Variants in DNAH11 observed in about 807,000 individuals in gnomAD.
The protein encoded by DNAH11 is axonemal beta dynein heavy chain 11.
DNAH11 carries 442 observed loss-of-function variants against 526.0 expected under a neutral mutation model. That is an observed-to-expected ratio of 0.84 (90% confidence interval 0.78 to 0.91). The LOEUF is 0.91. Ranked by LOEUF, DNAH11 falls within the 40% of genes least tolerant of loss-of-function variation. DNAH11 has a pLI of 0.00. For missense variants in DNAH11, 6,989 were observed against 5,448.7 expected (o/e 1.28, Z -8.90); for synonymous variants, 2,461 against 1,935.9 (o/e 1.27, Z -7.12).
chr7:21,864,330 T>A (rs907804745), intron 69 of DNAH11, among the ~76,000 whole-genome samples: 23 of 152,224 alleles, frequency 1.5e-4, no homozygotes, highest in African/African-American at 5.3e-4. Context: ...TTCATAATTA[T>A]TTCCTGTTAG....
chr7:21,812,863 T>A (rs1789592843), intron 63 of DNAH11, among the ~76,000 whole-genome samples: 1 of 152,114 alleles, frequency 6.6e-6, no homozygotes, highest in South Asian at 2.1e-4. Flanking sequence ...GTTGGCAGCT[T>A]TTTAAAGCTC....
At chr7:21,875,817 T>A (rs922698314) in intron 74 of DNAH11, among the ~76,000 whole-genome samples, 2 of 152,146 alleles carry the variant, frequency 1.3e-5, no homozygotes, top group Non-Finnish European at 2.9e-5. Context: ...AAAGCCACTT[T>A]TATTAATTGA....
At position 21,571,818 on chromosome 7, in the gene DNAH11, A is replaced by C; in HGVS notation, c.1438A>C (p.Thr480Pro). The C allele has an allele frequency of 1.2e-6, 2 of 1,611,966 alleles. No homozygotes were observed. ...RLIKIEDIFA[T>P]TLEFEKLERL... ...GTTTTTTACAAAGGATATATTTGCC[A>C]CCACTTTGGAATTTGAAAAGCTGGA... Residue 480 changes from threonine (T) to proline (P), a missense_variant, in exon 8 of 82, where the codon ACC (threonine) becomes CCC (proline). Thr to Pro is a conservative substitution (Grantham distance 38). Coordinates refer to ENST00000409508, the MANE Select transcript of DNAH11 (RefSeq NM_001277115.2).
intron 6 of DNAH11, among the ~76,000 whole-genome samples, chr7:21,566,317 T>C (rs1056074352): frequency 6.6e-6 from 1 of 152,156 alleles, no homozygotes; most frequent in African/African-American, 2.4e-5. Flanking sequence ...AAAGGTTTCA[T>C]TGACCCGATT....
intron 65 of DNAH11, among the ~76,000 whole-genome samples, chr7:21,835,349 C>G (rs965572639): frequency 6.6e-6 from 1 of 151,564 alleles, no homozygotes; most frequent in Non-Finnish European, 1.5e-5. Flanking sequence ...ATAAACATAG[C>G]TATAAAAATC....
rs56257528 is a variant in DNAH11, at chr7:21,638,691, GGTGTGTGTGT to G, written c.4818-215_4818-206del. ...ATTCATATTTAGCCACAGCTAATGG[GGTGTGTGTGT>G]GTGTGTGTGTGTGTGTGTGTGTGTG... is the stretch of plus-strand genomic sequence containing the variant. On this transcript the variant is annotated intron_variant, in intron 27 of 81. Coordinates refer to ENST00000409508, the MANE Select transcript of DNAH11 (RefSeq NM_001277115.2). Among the ~76,000 whole-genome samples the G allele has an allele frequency of 9.6e-4, 138 of 144,210 alleles. 1 individual carries two copies. The highest frequency in any genetic ancestry group is 6.3e-3 in the Admixed American group (91 of 14,482). 94.6% of individuals were successfully genotyped at this position (144,210 alleles called of 152,430 possible). A position where few individuals can be genotyped will look rare whatever the true frequency, so the allele number is the denominator to read the frequency against.
chr7:21,803,649 G>T (rs936432312), intron 62 of DNAH11, among the ~76,000 whole-genome samples: 9 of 151,332 alleles, frequency 5.9e-5, no homozygotes, highest in Admixed American at 2.6e-4. Flanking sequence ...TATCATCATT[G>T]AAGTCTGGAA....
At chr7:21,856,497 C>G (rs751226412) in intron 68 of DNAH11, among the ~76,000 whole-genome samples, 5 of 152,068 alleles carry the variant, frequency 3.3e-5, no homozygotes, top group Non-Finnish European at 5.9e-5. Flanking sequence ...CAGTATTGCC[C>G]AAATTCCAAA....
chr7:21,747,595 T>C (rs142473252), intron 51 of DNAH11, among the ~76,000 whole-genome samples: 2 of 152,244 alleles, frequency 1.3e-5, no homozygotes, highest in African/African-American at 4.8e-5. Flanking sequence ...CTGTAAAATA[T>C]AGCATAATAT....
intron 29 of DNAH11, among the ~76,000 whole-genome samples, chr7:21,657,015 A>G (rs984737345): frequency 7.2e-5 from 11 of 152,180 alleles, no homozygotes; most frequent in East Asian, 3.8e-4. Flanking sequence ...GGATAGTCCA[A>G]TTGATGGATG....
At position 21,835,455 on chromosome 7, in the gene DNAH11, C is replaced by T. The variant is rs560923142; in HGVS notation, c.10692-7089C>T. ...TTATTCCAGGAATGCAAGAGTGGTT[C>T]AACATACACAAATCAATAAATGTGA... On this transcript the variant is annotated intron_variant, in intron 65 of 81. Coordinates refer to ENST00000409508, the MANE Select transcript of DNAH11 (RefSeq NM_001277115.2). 1.6e-4 allele frequency among the ~76,000 whole-genome samples: 24 copies of T among 152,164 alleles called. 2 individuals carry two copies. In the South Asian group the frequency reaches 1.7e-3, roughly 11 times the overall value.
chr7:21,617,098 A>G (rs957778866), intron 22 of DNAH11, among the ~76,000 whole-genome samples: 1 of 152,100 alleles, frequency 6.6e-6, no homozygotes, highest in African/African-American at 2.4e-5. Context: ...GGGTTTTCTC[A>G]TTCACAATTG....
intron 61 of DNAH11, among the ~76,000 whole-genome samples, chr7:21,793,571 G>A (rs553508782): frequency 7.9e-5 from 12 of 150,964 alleles, no homozygotes; most frequent in South Asian, 4.2e-4. Context: ...AGCCGAGATC[G>A]TGCCATTGCA....
chr7:21,572,895 G>A (rs1318125557), intron 8 of DNAH11, among the ~76,000 whole-genome samples: 3 of 152,170 alleles, frequency 2.0e-5, no homozygotes, highest in African/African-American at 4.8e-5. Flanking sequence ...AATAATTTGA[G>A]TGAGCTCATC....
At chr7:21,611,319 G>A (rs1785514202) in intron 20 of DNAH11, among the ~76,000 whole-genome samples, 1 of 152,122 alleles carries the variant, frequency 6.6e-6, no homozygotes. Flanking sequence ...GCCCCGGACT[G>A]AGGATTACCC....
At chr7:21,705,252 G>A (rs959740316) in intron 38 of DNAH11, among the ~76,000 whole-genome samples, 6 of 152,170 alleles carry the variant, frequency 3.9e-5, no homozygotes, top group Non-Finnish European at 5.9e-5. Flanking sequence ...ATCGTGGGTT[G>A]GCTTTAGTCT....
intron 14 of DNAH11, among the ~76,000 whole-genome samples, chr7:21,592,398 A>G (rs1784721927): frequency 6.6e-6 from 1 of 152,212 alleles, no homozygotes; most frequent in Non-Finnish European, 1.5e-5. Flanking sequence ...AGACACTTTG[A>G]GGCAGGAGCA....
intron 58 of DNAH11, among the ~76,000 whole-genome samples, chr7:21,785,983 T>C (rs552256574): frequency 1.3e-5 from 2 of 152,338 alleles, no homozygotes; most frequent in South Asian, 4.1e-4. Flanking sequence ...CATGAGCTTC[T>C]TATATGTGCT....
rs569983766 is a variant in DNAH11 at position 21,631,212 on chromosome 7, C to CT, written c.4501-4658dup. ...GTCACGAGAACAGCATGGGAAGGAC[C>CT]TGCCTCCGTGATTCAGTTACCTCCC... On this transcript the variant is annotated intron_variant, in intron 25 of 81. Transcript: ENST00000409508. 1.9e-3 allele frequency among the ~76,000 whole-genome samples: 296 copies of CT among 152,296 alleles called. 1 individual carries two copies. The highest frequency in any genetic ancestry group is 3.4e-3 in the Non-Finnish European group (234 of 68,024).
Sources: gnomAD v4.1 joint callset for allele counts (sites outside exome capture counted in the v4.1 genomes callset) on GRCh38, gnomAD v4.1.1 for gene constraint, MANE v1.5 for transcripts, NCBI Gene and HGNC (gene_info 2026-07-23, HGNC 2026-07-21) for gene names.